Variants in GARNL3 observed in about 807,000 individuals in gnomAD.
GARNL3 encodes GTPase-activating Rap/Ran-GAP domain-like protein 3.
A neutral mutation model predicts 125.0 loss-of-function variants in GARNL3; 63 were observed. The ratio of observed to expected loss-of-function variants is 0.50; its 90% CI spans 0.41 to 0.62. The LOEUF (loss-of-function observed/expected upper bound fraction) is 0.62, where lower values mean the gene tolerates loss of function less well. Ranked by LOEUF, GARNL3 falls within the 20% of genes least tolerant of loss-of-function variation. The pLI, the probability that GARNL3 is intolerant of heterozygous loss-of-function variation, is 0.00. For missense variants in GARNL3, 994 were observed against 1,244.0 expected, an observed-to-expected ratio of 0.80 and a Z score of 3.02; for synonymous variants, 439 against 457.5, an observed-to-expected ratio of 0.96 and a Z score of 0.52.
chr9:127,355,596 C>T, intron 20 of GARNL3, 124 bp downstream of exon 20: 1 of 843,492 alleles, frequency 1.2e-6, no homozygotes, highest in South Asian at 1.6e-5. Flanking sequence ...CTAGGGAAAC[C>T]CTCATCTCTG....
chr9:127,226,797 G>C (rs2062921570), intron 1 of GARNL3, among the ~76,000 whole-genome samples: 2 of 152,212 alleles, frequency 1.3e-5, no homozygotes, highest in Admixed American at 6.5e-5. Context: ...ACAGATAACG[G>C]TCTCTGTGCT....
At chr9:127,301,657 C>G (rs549955000) in intron 2 of GARNL3, among the ~76,000 whole-genome samples, 82 of 152,210 alleles carry the variant, frequency 5.4e-4, no homozygotes, top group African/African-American at 1.9e-3. Context: ...TCTCATAATT[C>G]CTAATTGTCA....
At chr9:127,371,376 A>G (rs1831597857) in intron 22 of GARNL3, among the ~76,000 whole-genome samples, 1 of 152,024 alleles carries the variant, frequency 6.6e-6, no homozygotes, top group African/African-American at 2.4e-5. Flanking sequence ...GCCTTCCTTC[A>G]CGTAGGAAAT....
intron 2 of GARNL3, among the ~76,000 whole-genome samples, chr9:127,246,176 A>C (rs2063300416): frequency 6.6e-6 from 1 of 152,176 alleles, no homozygotes; most frequent in Non-Finnish European, 1.5e-5. Flanking sequence ...AGAGGAGGGC[A>C]TAGCATGCTC....
At chr9:127,276,914 T>C (rs2063971840) in intron 1 of GARNL3, among the ~76,000 whole-genome samples, 1 of 152,250 alleles carries the variant, frequency 6.6e-6, no homozygotes, top group Non-Finnish European at 1.5e-5. Context: ...AGTACTGTTA[T>C]CATCCCCATC....
chr9:127,289,051 C>T (rs2064334485), intron 1 of GARNL3, among the ~76,000 whole-genome samples: 1 of 152,212 alleles, frequency 6.6e-6, no homozygotes, highest in Non-Finnish European at 1.5e-5. Context: ...AACACTCTAC[C>T]TGAAATCTAC....
Position 127,311,695 on chromosome 9 carries a change from A to G in GARNL3, c.279A>G (p.Glu93=). Residue 93 remains glutamate (E), a synonymous_variant, in exon 3 of 28, where the codon GAA becomes GAG. Transcript: ENST00000373387. ...CAGACGTGCACTTAGAGAACCCAGA[A>G]TACCACACCAGATGGTATTTCAAAT... ...RRTDVHLENP[E]YHTRWYFKYF... 6.2e-7 allele frequency: 1 copy of G among 1,613,874 alleles called. No homozygotes were observed. The highest frequency in any genetic ancestry group is 1.3e-5 in the African/African-American group (1 of 75,048).
At chr9:127,295,179 G>A (rs2064550682) in intron 2 of GARNL3, among the ~76,000 whole-genome samples, 1 of 152,216 alleles carries the variant, frequency 6.6e-6, no homozygotes, top group Non-Finnish European at 1.5e-5. Flanking sequence ...ACAGTTTCAT[G>A]AGATGAATCC....
intron 2 of GARNL3, among the ~76,000 whole-genome samples, chr9:127,311,071 G>A (rs1398534881): frequency 6.6e-6 from 1 of 152,058 alleles, no homozygotes; most frequent in Non-Finnish European, 1.5e-5. Flanking sequence ...CAGCCTAATT[G>A]TCCAGTATTA....
intron 7 of GARNL3, among the ~76,000 whole-genome samples, chr9:127,331,408 G>C (rs996712069): frequency 8.6e-5 from 13 of 151,972 alleles, no homozygotes; most frequent in Non-Finnish European, 1.9e-4. Flanking sequence ...CAGGGGAATT[G>C]CTTGAACCAG....
At position 127,392,751 on chromosome 9, in the gene GARNL3, C is replaced by A. The variant is rs1010693183; in HGVS notation, c.2871-332C>A. 3.3e-5 allele frequency among the ~76,000 whole-genome samples: 5 copies of A among 152,232 alleles called. No individual in the cohort carries two copies. Among genetic ancestry groups the A allele is most frequent in the African/African-American group, 9.6e-5 (4 of 41,456 alleles). ...AGGGATCACAGGCCTAGTCCCGGAA[C>A]CTTGGCTATGAGTTTCAGCCTGATC... On this transcript the variant is annotated intron_variant, in intron 27 of 27. Transcript: ENST00000373387. The surrounding 1 kb of genome is among the most constrained non-coding windows in gnomAD (Gnocchi z 5.2).
intron 1 of GARNL3, among the ~76,000 whole-genome samples, chr9:127,281,124 G>A (rs1392169437): frequency 6.6e-6 from 1 of 152,076 alleles, no homozygotes; most frequent in Non-Finnish European, 1.5e-5. Flanking sequence ...GGTGGTAAGT[G>A]CAGCCTGATT....
chr9:127,341,280 C>T (rs1245434758), intron 13 of GARNL3, among the ~76,000 whole-genome samples: 1 of 152,224 alleles, frequency 6.6e-6, no homozygotes, highest in East Asian at 1.9e-4. Context: ...GTCCCAAACT[C>T]AGATGCCTGG....
rs917130870 is a variant in GARNL3 at position 127,388,799 on chromosome 9, A to G, written c.2528-105A>G. 10 of 742,590 alleles carry G rather than the reference A, an allele frequency of 1.3e-5. No individual in the cohort carries two copies. The East Asian group carries it at 2.1e-4, about 15-fold the overall frequency. 46.0% of individuals were successfully genotyped at this position (742,590 alleles called of 1,614,324 possible). On this transcript the variant is annotated intron_variant, in intron 25 of 27. Coordinates refer to ENST00000373387, the MANE Select transcript of GARNL3 (RefSeq NM_032293.5). ...GGGACATTACAGATCAGTGTGTGAC[A>G]TAACGTCTTCCTTCATGCTATGTTA...
At chr9:127,231,038 A>AT (rs2062996141) in intron 1 of GARNL3, among the ~76,000 whole-genome samples, 2 of 45,296 alleles carry the variant, frequency 4.4e-5, no homozygotes, top group Admixed American at 3.0e-4. Flanking sequence ...ATATATACAT[A>AT]TATATATATA....
chr9:127,333,087 C>T lies in GARNL3; in HGVS notation c.735C>T (p.Gly245=), dbSNP rs370843523. The change falls in exon 9 of 28, where the codon GGC becomes GGT. Residue 245 remains glycine (G), a synonymous_variant. Coordinates refer to ENST00000373387, the MANE Select transcript of GARNL3 (RefSeq NM_032293.5). ...NLLGDTITLK[G]WTGYRGGLDT... The stretch of plus-strand genomic sequence containing the variant: ...TGGGTGACACAATCACTCTAAAGGG[C>T]TGGACGGGCTACCGTGGCGGTCTGG... 2.3e-5 allele frequency: 37 copies of T among 1,613,942 alleles called. No individual in the cohort carries two copies. Among genetic ancestry groups the T allele is most frequent in the Middle Eastern group, 1.6e-4 (1 of 6,084 alleles).
chr9:127,377,609 A>T (rs1421376695), intron 22 of GARNL3, among the ~76,000 whole-genome samples: 8 of 151,744 alleles, frequency 5.3e-5, no homozygotes, highest in African/African-American at 1.9e-4. Flanking sequence ...CAACATGGTG[A>T]GACCCTATCT....
chr9:127,309,399 C>A (rs942483208), intron 2 of GARNL3, among the ~76,000 whole-genome samples: 3 of 152,176 alleles, frequency 2.0e-5, no homozygotes, highest in Admixed American at 6.5e-5. Flanking sequence ...TAGCCTAATA[C>A]TTGGCATTTA....
intron 22 of GARNL3, among the ~76,000 whole-genome samples, chr9:127,382,886 G>A (rs1832342188): frequency 6.6e-6 from 1 of 152,168 alleles, no homozygotes; most frequent in South Asian, 2.1e-4. Flanking sequence ...CACCATCCTT[G>A]TCCTGAATGA....
Sources: gnomAD v4.1 joint callset for allele counts (sites outside exome capture counted in the v4.1 genomes callset) on GRCh38, gnomAD v4.1.1 for gene constraint, Gnocchi (gnomAD v3.1) non-coding constraint, MANE v1.5 for transcripts, NCBI Gene and HGNC (gene_info 2026-07-23, HGNC 2026-07-21) for gene names.